NELL2: variants seen among roughly 807,000 people sequenced by gnomAD.
The protein encoded by NELL2 is protein kinase C-binding protein NELL2.
A neutral mutation model predicts 109.6 loss-of-function variants in NELL2; 41 were observed. That is an observed-to-expected ratio of 0.37 (90% confidence interval 0.29 to 0.49). NELL2 has a LOEUF of 0.49. Ranked by LOEUF, NELL2 falls within the 20% of genes least tolerant of loss-of-function variation. The probability of loss-of-function intolerance (pLI) is 0.98; values close to 1 mark genes in which losing one functional copy is unlikely to be tolerated. For missense variants in NELL2, 900 were observed against 1,008.3 expected, an observed-to-expected ratio of 0.89 and a Z score of 1.45; for synonymous variants, 355 against 344.7, an observed-to-expected ratio of 1.03 and a Z score of -0.33.
At chr12:44,700,782 G>A (rs963413585) in intron 12 of NELL2, among the ~76,000 whole-genome samples, 2 of 151,912 alleles carry the variant, frequency 1.3e-5, no homozygotes, top group East Asian at 3.8e-4. Context: ...TATCTTCTTC[G>A]CCTGACAGAA....
At chr12:44,624,593 A>T (rs1721804671) in intron 13 of NELL2, among the ~76,000 whole-genome samples, 1 of 152,120 alleles carries the variant, frequency 6.6e-6, no homozygotes, top group African/African-American at 2.4e-5. Flanking sequence ...CATGTTCCAT[A>T]TATCTTCCCA....
chr12:44,669,390 T>A (rs919858817), intron 12 of NELL2, among the ~76,000 whole-genome samples: 1 of 151,488 alleles, frequency 6.6e-6, no homozygotes, highest in East Asian at 1.9e-4. Flanking sequence ...AAGTAACAGA[T>A]CCCAACATAA....
Position 44,807,356 on chromosome 12 carries a change from C to CAT in NELL2, c.335+8629_335+8630insAT, listed in dbSNP as rs397836050. The stretch of plus-strand genomic sequence containing the variant: ...ACACACACACACACACACACACACA[C>CAT]GCATGCATGCAGAAAGAATTCTGGA... On this transcript the variant is annotated intron_variant, in intron 3 of 19. Coordinates refer to ENST00000429094, the MANE Select transcript of NELL2 (RefSeq NM_001145108.2). Among the ~76,000 whole-genome samples the CAT allele has an allele frequency of 1.6e-3, 237 of 149,822 alleles. 6 individuals are homozygous for CAT. In the East Asian group the frequency reaches 0.035, roughly 22 times the overall value.
chr12:44,514,225 G>T (rs1211890179), intron 19 of NELL2, among the ~76,000 whole-genome samples: 3 of 151,784 alleles, frequency 2.0e-5, no homozygotes, highest in Non-Finnish European at 4.4e-5. Flanking sequence ...AGAGTTGAAA[G>T]AACTTGTTAC....
chr12:44,742,539 TA>T (rs1940047934), intron 9 of NELL2, among the ~76,000 whole-genome samples: 1 of 152,050 alleles, frequency 6.6e-6, no homozygotes, highest in East Asian at 1.9e-4. Flanking sequence ...GAACCAATGG[TA>T]AAGAAGTTAA....
At chr12:44,576,956 T>C (rs1309230147) in intron 15 of NELL2, among the ~76,000 whole-genome samples, 1 of 143,072 alleles carries the variant, frequency 7.0e-6, no homozygotes, top group African/African-American at 2.7e-5. Flanking sequence ...TGTTGGACAT[T>C]TGGGTTGGTT....
chr12:44,578,216 G>A (rs564220620), intron 15 of NELL2, among the ~76,000 whole-genome samples: 1 of 151,592 alleles, frequency 6.6e-6, no homozygotes, highest in Admixed American at 6.6e-5. Flanking sequence ...CTTTCTTCAA[G>A]GAGCTACACC....
chr12:44,653,721 G>T (rs12302273), intron 13 of NELL2, among the ~76,000 whole-genome samples: 43,419 of 151,840 alleles, frequency 0.29, 6,444 homozygotes, highest in East Asian at 0.49. Flanking sequence ...GGCCTGCATT[G>T]ATTATTGGAA....
intron 2 of NELL2, among the ~76,000 whole-genome samples, chr12:44,845,331 T>C (rs1056563939): frequency 3.9e-5 from 6 of 152,176 alleles, no homozygotes; most frequent in African/African-American, 1.4e-4. Flanking sequence ...ACCAAGCACA[T>C]GGAAGGGGAC....
chr12:44,535,915 G>A (rs1029639443), intron 15 of NELL2, among the ~76,000 whole-genome samples: 1 of 151,686 alleles, frequency 6.6e-6, no homozygotes, highest in Non-Finnish European at 1.5e-5. Context: ...TCTAAAATAC[G>A]TCTGAATTTA....
chr12:44,885,033 C>G (rs764735516), intron 1 of NELL2, among the ~76,000 whole-genome samples: 3 of 151,998 alleles, frequency 2.0e-5, no homozygotes, highest in Non-Finnish European at 4.4e-5. Context: ...AATCCCAGCA[C>G]TTTGGGAGGC....
At chr12:44,686,349 C>A (rs1032713058) in intron 12 of NELL2, among the ~76,000 whole-genome samples, 10 of 152,188 alleles carry the variant, frequency 6.6e-5, no homozygotes, top group East Asian at 3.9e-4. Flanking sequence ...ACTTCTTTGC[C>A]TTTGGTTTGA....
Position 44,658,730 on chromosome 12 carries a change from G to C in NELL2, c.1444+6754C>G, listed in dbSNP as rs566786376. Among the ~76,000 whole-genome samples, 4 of 151,812 alleles carry C rather than the reference G, an allele frequency of 2.6e-5. No homozygotes were observed. The East Asian group carries it at 7.7e-4, about 29-fold the overall frequency. On this transcript the variant is annotated intron_variant, in intron 13 of 19. Transcript: ENST00000429094. ...TCTCTACTAAAAATACAAAAAATTA[G>C]CTGGGTGAGGTGGCAGGCGCCTGTA...
At position 44,665,467 on chromosome 12, in the gene NELL2, A is replaced by C; in HGVS notation, c.1444+17T>G. On this transcript the variant is annotated intron_variant, in intron 13 of 19. Coordinates refer to ENST00000429094, the MANE Select transcript of NELL2 (RefSeq NM_001145108.2). ...AAGACATAAAAATATTTTATTTCAC[A>C]AATAGCCACCGTTTACCTGTACATG... The C allele has an allele frequency of 6.4e-7, 1 of 1,572,424 alleles. No homozygotes were observed. The highest frequency in any genetic ancestry group is 1.2e-5 in the South Asian group (1 of 83,402).
chr12:44,866,723 C>T (rs1387014440), intron 2 of NELL2, among the ~76,000 whole-genome samples: 1 of 151,600 alleles, frequency 6.6e-6, no homozygotes, highest in Non-Finnish European at 1.5e-5. Context: ...AATTGACATG[C>T]CTTTAGCTAA....
chr12:44,759,022 A>G (rs753007569), intron 9 of NELL2, among the ~76,000 whole-genome samples: 25 of 152,164 alleles, frequency 1.6e-4, no homozygotes, highest in Non-Finnish European at 2.2e-4. Context: ...CTGAAAATGC[A>G]TCCTGCCCCA....
intron 15 of NELL2, among the ~76,000 whole-genome samples, chr12:44,589,478 G>C (rs548237997): frequency 6.6e-6 from 1 of 152,016 alleles, no homozygotes; most frequent in African/African-American, 2.4e-5. Context: ...CCACCTCCCA[G>C]GTTCAAATGA....
In NELL2 at chr12:44,903,770, C is replaced by G. The variant is rs141237098; in HGVS notation, c.38+10029G>C. Among the ~76,000 whole-genome samples, 883 of 151,662 alleles carry G rather than the reference C, an allele frequency of 5.8e-3. 6 individuals are homozygous for G. The highest frequency in any genetic ancestry group is 0.02 in the African/African-American group (840 of 41,306). On this transcript the variant is annotated intron_variant, in intron 1 of 20. Coordinates refer to the NELL2 transcript ENST00000333837. ...GGATGAAGCTGGAAACGATCATTCT[C>G]AGCAAACTAACACAGGAACAGATAA...
At chr12:44,558,400 A>C (rs1943335407) in intron 15 of NELL2, among the ~76,000 whole-genome samples, 1 of 152,262 alleles carries the variant, frequency 6.6e-6, no homozygotes, top group Non-Finnish European at 1.5e-5. Context: ...TCTGGTCTGC[A>C]GCTCTCAGAG....
Sources: allele counts gnomAD v4.1 joint callset (sites outside exome capture counted in the v4.1 genomes callset), GRCh38; gene constraint gnomAD v4.1.1; transcripts MANE v1.5; gene names NCBI Gene and HGNC (gene_info 2026-07-23, HGNC 2026-07-21).